Variants in CD80 observed in about 807,000 individuals in gnomAD.
CD80 encodes T-lymphocyte activation antigen CD80.
CD80 carries 13 observed loss-of-function variants against 27.1 expected under a neutral mutation model. The observed-to-expected ratio is 0.48, with a 90% CI of 0.31 to 0.76. CD80 has a LOEUF of 0.76. Ranked by LOEUF, CD80 falls within the 30% of genes least tolerant of loss-of-function variation. The pLI is 0.04. For missense variants in CD80, 277 were observed against 347.9 expected, an observed-to-expected ratio of 0.80 and a Z score of 1.62; for synonymous variants, 125 against 125.5, an observed-to-expected ratio of 1.00 and a Z score of 0.03.
intron 5 of CD80, among the ~76,000 whole-genome samples, chr3:119,528,923 C>CAAA (rs141948068): frequency 0.12 from 15,510 of 132,264 alleles, 2,433 homozygotes; most frequent in African/African-American, 0.36. Flanking sequence ...GACTCCATCT[C>CAAA]AAAAAAAAAA....
intron 3 of CD80, among the ~76,000 whole-genome samples, chr3:119,539,471 C>A (rs552802653): frequency 8.6e-5 from 13 of 151,738 alleles, no homozygotes; most frequent in African/African-American, 2.7e-4. Flanking sequence ...ATCCAAACTA[C>A]AACATTGAGC....
At position 119,557,653 on chromosome 3, in the gene CD80, C is replaced by G; in HGVS notation, c.76G>C (p.Ala26Pro). ...CCTGAACAGAAGTGAGAAAGACCAGCCAGCACCAAGAGCTGAAAGAAATTG... is the reference window on the plus strand; with the variant it reads ...CCTGAACAGAAGTGAGAAAGACCAGGCAGCACCAAGAGCTGAAAGAAATTG... ...YLNFFQLLVLAGLSHFCSGVI... is the reference protein window; with the variant it reads ...YLNFFQLLVLPGLSHFCSGVI... The change falls in exon 2 of 7, where the codon GCT (alanine) becomes CCT (proline). Residue 26 changes from alanine (A) to proline (P), a missense_variant. By Grantham distance (27) the Ala-to-Pro change is conservative. Coordinates refer to ENST00000264246, the MANE Select transcript of CD80 (RefSeq NM_005191.4). 1.2e-6 allele frequency: 2 copies of G among 1,613,422 alleles called. No homozygotes were observed. Among genetic ancestry groups the G allele is most frequent in the Non-Finnish European group, 8.5e-7 (1 of 1,179,624 alleles).
At chr3:119,557,482 G>A (rs1459704044) in intron 2 of CD80, 147 bp downstream of exon 2, 3 of 492,860 alleles carry the variant, frequency 6.1e-6, no homozygotes, top group Non-Finnish European at 1.1e-5. Flanking sequence ...TTGGACCACA[G>A]TCTTCTAATC....
intron 2 of CD80, among the ~76,000 whole-genome samples, chr3:119,556,721 A>C (rs2082266756): frequency 6.6e-6 from 1 of 152,222 alleles, no homozygotes; most frequent in South Asian, 2.1e-4. Context: ...GAAGTTTTTA[A>C]GACAAGGACC....
intron 2 of CD80, among the ~76,000 whole-genome samples, chr3:119,557,072 TGAAAAAA>T (rs2082268408): frequency 6.6e-6 from 1 of 152,196 alleles, no homozygotes; most frequent in Non-Finnish European, 1.5e-5. Flanking sequence ...ATGCCAATGT[TGAAAAAA>T]GATCTCAGCA....
intron 2 of CD80, among the ~76,000 whole-genome samples, chr3:119,552,309 G>A (rs527984433): frequency 2.7e-4 from 41 of 151,806 alleles, no homozygotes; most frequent in African/African-American, 6.0e-4. Flanking sequence ...GTGAAACCCC[G>A]TCTCTACTAA....
chr3:119,538,725 G>C (rs1191253790), intron 3 of CD80, among the ~76,000 whole-genome samples: 1 of 152,164 alleles, frequency 6.6e-6, no homozygotes, highest in Non-Finnish European at 1.5e-5. Flanking sequence ...CATAAATAGA[G>C]AAGGCTTTGC....
At chr3:119,557,579 C>A (rs1330613137) in intron 2 of CD80, 50 bp downstream of exon 2, 2 of 1,345,656 alleles carry the variant, frequency 1.5e-6, no homozygotes, top group Non-Finnish European at 2.1e-6. Flanking sequence ...CATGTCCTTT[C>A]TCTTAACCCT....
Position 119,557,861 on chromosome 3 carries a change from T to C in CD80, c.-133A>G, listed in dbSNP as rs2082272838. 2.1e-6 allele frequency: 1 copy of C among 479,084 alleles called. No homozygotes were observed. Among genetic ancestry groups the C allele is most frequent in the Non-Finnish European group, 3.7e-6 (1 of 266,736 alleles). 29.7% of individuals were successfully genotyped at this position (479,084 alleles called of 1,614,324 possible). ...TCACGTAGAAGACCCTCCAGTGATG[T>C]TTACAAAACACACAGAGATTGGAGG... On this transcript the variant is annotated 5_prime_UTR_variant, in exon 2 of 7. Transcript: ENST00000264246.
At chr3:119,556,308 A>T (rs2082264593) in intron 2 of CD80, among the ~76,000 whole-genome samples, 1 of 151,876 alleles carries the variant, frequency 6.6e-6, no homozygotes. Context: ...TTTAATTTTT[A>T]TTTTATGTCC....
intron 6 of CD80, 38 bp downstream of exon 6, chr3:119,527,695 C>T: frequency 1.6e-6 from 2 of 1,250,180 alleles, no homozygotes; most frequent in South Asian, 1.2e-5. Context: ...TCATGATCCC[C>T]ACGATCCATG....
chr3:119,554,388 C>T (rs1364182536), intron 2 of CD80, among the ~76,000 whole-genome samples: 1 of 152,184 alleles, frequency 6.6e-6, no homozygotes, highest in South Asian at 2.1e-4. Flanking sequence ...CTCCTTAGAC[C>T]TGACCCTCTC....
At chr3:119,527,615 A>C (rs2082074114) in intron 6 of CD80, 118 bp downstream of exon 6, 2 of 597,378 alleles carry the variant, frequency 3.3e-6, no homozygotes, top group African/African-American at 3.7e-5. Flanking sequence ...GTTCAGCTTA[A>C]TCTGAAAGAG....
rs531569283 is a variant in CD80, at chr3:119,558,395, A to T, written c.-200-467T>A. Among the ~76,000 whole-genome samples the T allele has an allele frequency of 2.6e-5, 4 of 152,282 alleles. No individual in the cohort carries two copies. The East Asian group carries it at 5.8e-4, about 22-fold the overall frequency. On this transcript the variant is annotated intron_variant, in intron 1 of 6. Coordinates refer to ENST00000264246, the MANE Select transcript of CD80 (RefSeq NM_005191.4). ...ATAATATATCATAAAGGGGTATGAG[A>T]TCTCAATAACCAGAAAAGTCTATCC... is the stretch of plus-strand genomic sequence containing the variant.
chr3:119,545,670 G>A (rs1449284216), intron 2 of CD80, among the ~76,000 whole-genome samples: 3 of 152,038 alleles, frequency 2.0e-5, no homozygotes, highest in Non-Finnish European at 4.4e-5. Flanking sequence ...TGTAGCATAT[G>A]ATAGGATTTC....
At chr3:119,536,190 G>A (rs2107741720) in intron 4 of CD80, among the ~76,000 whole-genome samples, 1 of 152,228 alleles carries the variant, frequency 6.6e-6, no homozygotes, top group South Asian at 2.1e-4. Context: ...GGTGGAGGTT[G>A]CAGTGAGCTG....
At chr3:119,541,246 G>A (rs2082167075) in intron 3 of CD80, among the ~76,000 whole-genome samples, 1 of 152,022 alleles carries the variant, frequency 6.6e-6, no homozygotes, top group South Asian at 2.1e-4. Context: ...ACTCTTAATA[G>A]GAAAGGGTAG....
At chr3:119,526,541 A>G (rs1204628930) in intron 6 of CD80, among the ~76,000 whole-genome samples, 2 of 152,128 alleles carry the variant, frequency 1.3e-5, no homozygotes, top group African/African-American at 4.8e-5. Context: ...GTTGTAGGGA[A>G]AGGAGCCTGA....
In CD80 at chr3:119,542,115, GA is replaced by G. The variant is rs1417155959; in HGVS notation, c.418+2434del. Among the ~76,000 whole-genome samples, 11 of 133,364 alleles carry G rather than the reference GA, an allele frequency of 8.2e-5. No homozygotes were observed. The Admixed American group carries it at 1.0e-3, about 12-fold the overall frequency. The allele number at this position is 133,364 out of a possible 152,430, so 87.5% of individuals were successfully genotyped here. A position where few individuals can be genotyped will look rare whatever the true frequency, so the allele number is the denominator to read the frequency against. ...CATTTTAACAGGGATCTTTTAGGAG[GA>G]AAATGGAGAAACTAGCAGGAATGGC... On this transcript the variant is annotated intron_variant, in intron 3 of 6. Transcript: ENST00000264246.
Sources: gnomAD v4.1 joint callset for allele counts (sites outside exome capture counted in the v4.1 genomes callset) on GRCh38, gnomAD v4.1.1 for gene constraint, MANE v1.5 for transcripts, NCBI Gene and HGNC (gene_info 2026-07-23, HGNC 2026-07-21) for gene names.